The following GALNT13 variants were observed in gnomAD, a reference collection of about 807,000 sequenced individuals.
The protein encoded by GALNT13 is UDP-GalNAc:polypeptide N-acetylgalactosaminyltransferase 13.
In GALNT13, 28 loss-of-function variants were observed where a neutral mutation model predicts 64.2. The ratio of observed to expected loss-of-function variants is 0.44; its 90% CI spans 0.32 to 0.60. GALNT13 has a LOEUF of 0.60. Among genes scored for constraint, GALNT13 ranks in the 20% least tolerant of loss-of-function variants. GALNT13 has a pLI of 0.05. For missense variants in GALNT13, 577 were observed against 669.8 expected, an observed-to-expected ratio of 0.86 and a Z score of 1.53; for synonymous variants, 214 against 224.6, an observed-to-expected ratio of 0.95 and a Z score of 0.42.
At chr2:153,238,306 T>A in the GALNT13 span, among the ~76,000 whole-genome samples, 1 of 152,062 alleles carries the variant, frequency 6.6e-6, no homozygotes, top group African/African-American at 2.4e-5. Context: ...TTTGATCATT[T>A]ATTTGCTGTG....
At chr2:153,443,677 C>T in the GALNT13 span, among the ~76,000 whole-genome samples, 2 of 152,170 alleles carry the variant, frequency 1.3e-5, no homozygotes, top group African/African-American at 4.8e-5. Context: ...AATCCCAGCA[C>T]TTTGGGAGGC....
At chr2:153,596,268 A>G in the GALNT13 span, among the ~76,000 whole-genome samples, 2 of 152,166 alleles carry the variant, frequency 1.3e-5, no homozygotes, top group African/African-American at 2.4e-5. Flanking sequence ...ACACAGTTTC[A>G]TTTTGTTACA....
the GALNT13 span, among the ~76,000 whole-genome samples, chr2:153,559,869 C>G: frequency 6.6e-6 from 1 of 151,980 alleles, no homozygotes; most frequent in Non-Finnish European, 1.5e-5. Context: ...GGATTTTTCT[C>G]TTTTCTTAAA....
chr2:153,114,385 A>C, the GALNT13 span, among the ~76,000 whole-genome samples: 1 of 152,262 alleles, frequency 6.6e-6, no homozygotes, highest in African/African-American at 2.4e-5. Flanking sequence ...TGCTTTCGCT[A>C]GAGAAGACGT....
At chr2:153,374,884 G>A in the GALNT13 span, among the ~76,000 whole-genome samples, 8 of 152,058 alleles carry the variant, frequency 5.3e-5, no homozygotes, top group African/African-American at 1.9e-4. Context: ...GGGATAATGT[G>A]CTGCTGCTAT....
At chr2:154,078,517 ATCTT>A (rs1265936918) in intron 3 of GALNT13, among the ~76,000 whole-genome samples, 2 of 151,500 alleles carry the variant, frequency 1.3e-5, no homozygotes, top group African/African-American at 4.8e-5. Context: ...TTCTTTCTTC[ATCTT>A]TCTTTATCTC....
chr2:153,551,383 A>G, the GALNT13 span, among the ~76,000 whole-genome samples: 1 of 152,028 alleles, frequency 6.6e-6, no homozygotes, highest in African/African-American at 2.4e-5. Context: ...TTAGACAATC[A>G]CTCTGGTTGC....
chr2:153,194,546 A>G, the GALNT13 span, among the ~76,000 whole-genome samples: 166 of 151,770 alleles, frequency 1.1e-3, 1 homozygote, highest in African/African-American at 3.8e-3. Flanking sequence ...CTTTAATATT[A>G]TTACTTTGAA....
intron 3 of GALNT13, among the ~76,000 whole-genome samples, chr2:153,970,462 C>T (rs1326065627): frequency 6.6e-6 from 1 of 152,124 alleles, no homozygotes; most frequent in African/African-American, 2.4e-5. Flanking sequence ...TTGAGGTAGG[C>T]CAGGAAGCAG....
chr2:153,716,038 G>T, the GALNT13 span, among the ~76,000 whole-genome samples: 1 of 152,190 alleles, frequency 6.6e-6, no homozygotes, highest in African/African-American at 2.4e-5. Context: ...GGTAACAAAA[G>T]TTTGAGGATC....
At chr2:153,369,828 G>A in the GALNT13 span, among the ~76,000 whole-genome samples, 1 of 152,130 alleles carries the variant, frequency 6.6e-6, no homozygotes, top group Non-Finnish European at 1.5e-5. Flanking sequence ...GAGTCAGCTT[G>A]GAAGTGGATC....
intron 4 of GALNT13, among the ~76,000 whole-genome samples, chr2:154,153,747 A>T (rs1684218810): frequency 6.6e-6 from 1 of 152,212 alleles, no homozygotes; most frequent in South Asian, 2.1e-4. Flanking sequence ...GGTGCAGGAT[A>T]TAATCTCCTG....
the GALNT13 span, among the ~76,000 whole-genome samples, chr2:153,218,006 G>T: frequency 3.3e-5 from 5 of 152,078 alleles, no homozygotes; most frequent in Non-Finnish European, 7.4e-5. Flanking sequence ...AATCTAGTCT[G>T]GAGTTGAGCT....
the GALNT13 span, among the ~76,000 whole-genome samples, chr2:153,177,280 C>A: frequency 6.6e-6 from 1 of 151,974 alleles, no homozygotes; most frequent in Non-Finnish European, 1.5e-5. Flanking sequence ...TATTGTACTT[C>A]TGACAATAAC....
At chr2:153,868,949 G>A (rs1266725809), upstream of GALNT13, among the ~76,000 whole-genome samples, 4 of 151,950 alleles carry the variant, frequency 2.6e-5, no homozygotes, top group African/African-American at 9.7e-5. Context: ...ATTCTTATGA[G>A]GTAAATAATG....
chr2:153,801,019 C>T, the GALNT13 span, among the ~76,000 whole-genome samples: 4 of 152,110 alleles, frequency 2.6e-5, no homozygotes, highest in East Asian at 7.7e-4. Flanking sequence ...ATCTCATGAA[C>T]CAATCTCTGC....
At chr2:153,717,471 C>G in the GALNT13 span, among the ~76,000 whole-genome samples, 2 of 152,192 alleles carry the variant, frequency 1.3e-5, no homozygotes, top group African/African-American at 4.8e-5. Context: ...TCAGCTACCA[C>G]TCCTAATTTA....
chr2:153,485,651 C>T, the GALNT13 span, among the ~76,000 whole-genome samples: 2 of 152,170 alleles, frequency 1.3e-5, no homozygotes, highest in Admixed American at 1.3e-4. Flanking sequence ...TCCTCTAATC[C>T]TAGCACTTTG....
At chr2:154,133,580 A>ATATATATATATG (rs1249623892) in intron 3 of GALNT13, among the ~76,000 whole-genome samples, 1 of 123,576 alleles carries the variant, frequency 8.1e-6, no homozygotes, top group Non-Finnish European at 1.6e-5. Flanking sequence ...ATATATATAT[A>ATATATATATATG]TATATCTGAG....
Sources: allele counts gnomAD v4.1 joint callset (sites outside exome capture counted in the v4.1 genomes callset), GRCh38; gene constraint gnomAD v4.1.1; transcripts MANE v1.5; gene names NCBI Gene and HGNC (gene_info 2026-07-23, HGNC 2026-07-21).